The following C10orf71 variants were observed in gnomAD, a reference collection of about 807,000 sequenced individuals.
The protein encoded by C10orf71 is cardiac-enriched FHL2-interacting protein.
For synonymous variants in C10orf71, 758 were observed against 726.3 expected, an observed-to-expected ratio of 1.04 and a Z score of -0.70; for missense variants, 1,869 against 1,804.5, an observed-to-expected ratio of 1.04 and a Z score of -0.65.
At chr10:49,317,868 T>G (rs1367775512) in intron 2 of C10orf71, among the ~76,000 whole-genome samples, 3 of 151,978 alleles carry the variant, frequency 2.0e-5, no homozygotes, top group African/African-American at 4.8e-5. Flanking sequence ...TTGGAAAATT[T>G]TAAAAGGTTT....
chr10:49,320,050 AGATT>A (rs1288982016), intron 2 of C10orf71, among the ~76,000 whole-genome samples: 2 of 152,146 alleles, frequency 1.3e-5, no homozygotes, highest in Non-Finnish European at 2.9e-5. Flanking sequence ...AGAGTCCTGG[AGATT>A]GATTGCATGA....
chr10:49,311,322 T>A (rs1199000484), intron 1 of C10orf71, among the ~76,000 whole-genome samples: 1 of 152,202 alleles, frequency 6.6e-6, no homozygotes, highest in Non-Finnish European at 1.5e-5. Flanking sequence ...CTGGGACACA[T>A]GAGGGTCTGG....
chr10:49,326,624 T>C lies in C10orf71; in HGVS notation c.4079T>C (p.Phe1360Ser). 9 of 1,550,134 alleles carry C rather than the reference T, an allele frequency of 5.8e-6. No homozygotes were observed. The highest frequency in any genetic ancestry group is 7.8e-6 in the Non-Finnish European group (9 of 1,146,800). ...TCCTCTCAGCTCTCCGCGCCCACCT[T>C]CCTCAGGCAGGGCCCTCGTGCCTCC... ...RCSSQLSAPT[F>S]LRQGPRASAA... The change falls in exon 3 of 3, where the codon TTC (phenylalanine) becomes TCC (serine). Residue 1360 changes from phenylalanine to serine, a missense_variant. By Grantham distance (155) the Phe-to-Ser change is radical (BLOSUM62 -2). Transcript: ENST00000374144.
At chr10:49,317,669 G>C (rs976555062) in intron 2 of C10orf71, among the ~76,000 whole-genome samples, 1 of 152,014 alleles carries the variant, frequency 6.6e-6, no homozygotes, top group Non-Finnish European at 1.5e-5. Context: ...AGAACAACAT[G>C]GTGAAACTCC....
intron 1 of C10orf71, among the ~76,000 whole-genome samples, chr10:49,309,499 T>C (rs539108151): frequency 6.6e-6 from 1 of 152,190 alleles, no homozygotes; most frequent in East Asian, 1.9e-4. Context: ...CTGTGAGGAG[T>C]AAATGTCGAT....
intron 1 of C10orf71, among the ~76,000 whole-genome samples, chr10:49,301,663 G>A (rs1488085099): frequency 6.6e-6 from 1 of 152,242 alleles, no homozygotes; most frequent in Non-Finnish European, 1.5e-5. Context: ...GCAGAACTCA[G>A]CTGACCTGGG....
chr10:49,308,676 C>T (rs1848859198), intron 1 of C10orf71, among the ~76,000 whole-genome samples: 1 of 152,216 alleles, frequency 6.6e-6, no homozygotes, highest in Admixed American at 6.5e-5. Context: ...GGGCCCGGGT[C>T]AGCCCTGCAC....
At chr10:49,300,461 C>CA (rs60669434) in intron 1 of C10orf71, among the ~76,000 whole-genome samples, 27,235 of 108,370 alleles carry the variant, frequency 0.25, 3,445 homozygotes, top group East Asian at 0.38. Context: ...CAATTTAATA[C>CA]AAAAAAAAAA....
At chr10:49,313,132 G>A (rs1848944374) in intron 1 of C10orf71, among the ~76,000 whole-genome samples, 2 of 152,184 alleles carry the variant, frequency 1.3e-5, no homozygotes, top group South Asian at 4.1e-4. Context: ...TATAATTATG[G>A]TAAGTGCTGC....
upstream of C10orf71, among the ~76,000 whole-genome samples, chr10:49,297,701 T>C (rs557099313): frequency 6.6e-6 from 1 of 152,248 alleles, no homozygotes; most frequent in Non-Finnish European, 1.5e-5. Context: ...GTATGTGACA[T>C]GTCAACTGAC....
At chr10:49,319,731 T>TATATAC (rs1554859396) in intron 2 of C10orf71, among the ~76,000 whole-genome samples, 26 of 119,120 alleles carry the variant, frequency 2.2e-4, no homozygotes, top group South Asian at 5.9e-4. Context: ...TATATATATA[T>TATATAC]ATACACATAC....
chr10:49,309,097 C>T (rs925890222), intron 1 of C10orf71, among the ~76,000 whole-genome samples: 3 of 152,184 alleles, frequency 2.0e-5, no homozygotes, highest in East Asian at 1.9e-4. Context: ...GTGCAGGGGT[C>T]GACCTGCTGC....
At chr10:49,298,438 T>A (rs1487438969), upstream of C10orf71, among the ~76,000 whole-genome samples, 1 of 152,220 alleles carries the variant, frequency 6.6e-6, no homozygotes, top group Non-Finnish European at 1.5e-5. Context: ...GGAGCTGGCA[T>A]GGCACAAGCC....
rs1234014122 is a variant in C10orf71, at chr10:49,325,588, C to G, written c.3043C>G (p.Pro1015Ala). ...ALPEGDIEDQ[P>A]PPWQPENCWE... ...ACCCGAGGGTGACATAGAAGACCAG[C>G]CACCCCCATGGCAGCCCGAAAACTG... Residue 1015 changes from proline (P) to alanine (A), a missense_variant, in exon 3 of 3, where the codon CCA becomes GCA. Physicochemically the swap from Pro to Ala is conservative, Grantham distance 27 (BLOSUM62 -1). Coordinates refer to ENST00000374144, the MANE Select transcript of C10orf71 (RefSeq NM_001135196.2). The G allele has an allele frequency of 1.7e-5, 26 of 1,550,778 alleles. No homozygotes were observed. Among genetic ancestry groups the G allele is most frequent in the Non-Finnish European group, 8.7e-6 (10 of 1,146,144 alleles).
rs773954248 is a variant in C10orf71, at chr10:49,322,898, C to T, written c.353C>T (p.Pro118Leu). 5.0e-6 allele frequency: 8 copies of T among 1,613,870 alleles called. No homozygotes were observed. In the Admixed American group the frequency reaches 1.0e-4, roughly 20 times the overall value. The change falls in exon 3 of 3, where the codon CCA (proline) becomes CTA (leucine). Residue 118 changes from proline (P) to leucine (L), a missense_variant. Pro to Leu is a moderately conservative substitution (Grantham distance 98). Coordinates refer to ENST00000374144, the MANE Select transcript of C10orf71 (RefSeq NM_001135196.2). ...GAAAAGTACCCCAAAACCAGCCCCC[C>T]ACCAACGCCAGTCCAGAGGAGACTG... The part of the protein sequence containing the change: ...GEEKYPKTSP[P>L]PTPVQRRLEV...
rs754197819 is a variant in C10orf71 at position 49,323,014 on chromosome 10, C to A, written c.469C>A (p.Arg157Ser). ...ATCTTTCGACAGGACCGAGAGCCAA[C>A]GTTGTGAGAGCAGGCCCACTGCCAG... Reference protein sequence around the residue: ...IKSFDRTESQRCESRPTASKP... With the variant: ...IKSFDRTESQSCESRPTASKP... Residue 157 changes from arginine (R) to serine (S), a missense_variant, in exon 3 of 3, where the codon CGT becomes AGT. Coordinates refer to ENST00000374144, the MANE Select transcript of C10orf71 (RefSeq NM_001135196.2). 2 of 1,614,004 alleles carry A rather than the reference C, an allele frequency of 1.2e-6. No homozygotes were observed. The highest frequency in any genetic ancestry group is 2.2e-5 in the South Asian group (2 of 91,086).
chr10:49,313,555 C>T (rs1564686016), intron 1 of C10orf71, among the ~76,000 whole-genome samples: 1 of 152,154 alleles, frequency 6.6e-6, no homozygotes, highest in East Asian at 1.9e-4. Context: ...CAGGAATGGG[C>T]TGCTGCAGTG....
intron 1 of C10orf71, among the ~76,000 whole-genome samples, chr10:49,315,917 A>C (rs933183040): frequency 1.3e-5 from 2 of 152,192 alleles, no homozygotes; most frequent in Non-Finnish European, 2.9e-5. Flanking sequence ...TTAGCTGGGC[A>C]TAGTGGTGCA....
rs1437732467 is a variant in C10orf71 at position 49,324,826 on chromosome 10, A to C, written c.2281A>C (p.Ser761Arg). The C allele has an allele frequency of 1.9e-6, 3 of 1,551,902 alleles. No homozygotes were observed. The highest frequency in any genetic ancestry group is 1.7e-6 in the Non-Finnish European group (2 of 1,147,074). Residue 761 changes from serine (S) to arginine (R), a missense_variant, in exon 3 of 3, where the codon AGT becomes CGT. Coordinates refer to ENST00000374144, the MANE Select transcript of C10orf71 (RefSeq NM_001135196.2). ...GCGGGAAGACAGGAGGAAGGATGTG[A>C]GTGCAGGTGACAGTCAGAAGGATGA... is the stretch of plus-strand genomic sequence containing the variant. ...NQREDRRKDV[S>R]AGDSQKDEKE... is the part of the protein sequence containing the mutation.
Sources: allele counts gnomAD v4.1 joint callset (sites outside exome capture counted in the v4.1 genomes callset), GRCh38; gene constraint gnomAD v4.1.1; transcripts MANE v1.5; gene names NCBI Gene and HGNC (gene_info 2026-07-23, HGNC 2026-07-21).